Variants in EPS15 observed in about 807,000 individuals in gnomAD.
EPS15 encodes the protein epidermal growth factor receptor pathway substrate 15.
A neutral mutation model predicts 113.8 loss-of-function variants in EPS15; 72 were observed. The ratio of observed to expected loss-of-function variants is 0.63; its 90% CI spans 0.52 to 0.77. The LOEUF (loss-of-function observed/expected upper bound fraction) is 0.77. Ranked by LOEUF, EPS15 falls within the 30% of genes least tolerant of loss-of-function variation. The pLI, the probability that EPS15 is intolerant of heterozygous loss-of-function variation, is 0.00. For synonymous variants in EPS15, 344 were observed against 363.4 expected (o/e 0.95, Z 0.61); for missense variants, 1,048 against 1,045.8 (o/e 1.00, Z -0.03).
Position 51,472,882 on chromosome 1 carries a change from GC to G in EPS15, c.141del (p.Leu48PhefsTer4). 1 of 1,613,068 alleles carries G rather than the reference GC, an allele frequency of 6.2e-7. No homozygotes were observed. The highest frequency in any genetic ancestry group is 8.5e-7 in the Non-Finnish European group (1 of 1,179,126). On this transcript the variant is annotated frameshift_variant, in exon 3 of 25. Coordinates refer to ENST00000371733, the MANE Select transcript of EPS15 (RefSeq NM_001981.3). LOFTEE classifies it high-confidence loss of function. ...SDAAAFLKKSGLPDLILGKIW... is the reference protein window; with the variant it reads ...SDAAAFLKKSXLPDLILGKIW... ...ACCTTTCCAAGTATCAAGTCTGGAA[GC>G]CCTGATTTTTTCAGGAAAGCAGCAG...
chr1:51,491,531 G>T (rs553263406), intron 1 of EPS15, among the ~76,000 whole-genome samples: 1 of 152,316 alleles, frequency 6.6e-6, no homozygotes, highest in East Asian at 1.9e-4. Flanking sequence ...AAAGAAAACA[G>T]GATGAAAACT....
intron 12 of EPS15, chr1:51,423,126 G>T: frequency 9.4e-7 from 1 of 1,060,926 alleles, no homozygotes; most frequent in Non-Finnish European, 1.3e-6. Context: ...TTCTTAAGAT[G>T]TCTATGGAAG....
intron 1 of EPS15, among the ~76,000 whole-genome samples, chr1:51,513,740 TTTG>T (rs1644667126): frequency 6.6e-6 from 1 of 152,188 alleles, no homozygotes; most frequent in African/African-American, 2.4e-5. Context: ...TAGGTTACGC[TTTG>T]TTAAGTTATA....
intron 21 of EPS15, among the ~76,000 whole-genome samples, chr1:51,376,751 G>A (rs1646809969): frequency 6.6e-6 from 1 of 152,220 alleles, no homozygotes. Context: ...TGTATAAGGA[G>A]ATGAATGTTG....
intron 20 of EPS15, chr1:51,397,142 A>C (rs1648032226): frequency 6.6e-6 from 1 of 152,208 alleles, no homozygotes; most frequent in Non-Finnish European, 1.5e-5. Context: ...GGCCTCCTGA[A>C]GTGCTGGAAT....
chr1:51,470,524 G>A (rs915741745), intron 4 of EPS15, among the ~76,000 whole-genome samples: 12 of 151,778 alleles, frequency 7.9e-5, no homozygotes, highest in African/African-American at 2.9e-4. Flanking sequence ...GCATATGCCT[G>A]TAATCCCAGC....
At chr1:51,510,262 C>G (rs561871098) in intron 1 of EPS15, among the ~76,000 whole-genome samples, 1 of 152,240 alleles carries the variant, frequency 6.6e-6, no homozygotes, top group African/African-American at 2.4e-5. Context: ...TGTAAGATCA[C>G]ATGAATGTTC....
intron 1 of EPS15, among the ~76,000 whole-genome samples, chr1:51,486,576 GTC>G (rs1157204475): frequency 1.9e-4 from 29 of 152,242 alleles, no homozygotes; most frequent in African/African-American, 6.5e-4. Context: ...GGGAGATCCT[GTC>G]TCTATAAAAA....
chr1:51,476,107 G>A (rs1643895269), intron 2 of EPS15, among the ~76,000 whole-genome samples: 1 of 152,180 alleles, frequency 6.6e-6, no homozygotes, highest in African/African-American at 2.4e-5. Flanking sequence ...TTTGAAGTCA[G>A]GTAGTGTAAT....
intron 8 of EPS15, among the ~76,000 whole-genome samples, chr1:51,450,239 CT>C (rs1279145211): frequency 6.6e-6 from 1 of 151,554 alleles, no homozygotes; most frequent in African/African-American, 2.4e-5. Context: ...AAAGGCCACA[CT>C]GGGGGGGGCT....
chr1:51,510,456 T>C (rs558046435), intron 1 of EPS15, among the ~76,000 whole-genome samples: 1 of 152,284 alleles, frequency 6.6e-6, no homozygotes, highest in South Asian at 2.1e-4. Flanking sequence ...TTAAGTGAAA[T>C]AATGTATGTA....
At chr1:51,412,686 G>A (rs754644353) in intron 13 of EPS15, among the ~76,000 whole-genome samples, 3 of 152,116 alleles carry the variant, frequency 2.0e-5, no homozygotes, top group Non-Finnish European at 4.4e-5. Context: ...ACATGGCATT[G>A]GCTCTGAATA....
intron 15 of EPS15, among the ~76,000 whole-genome samples, chr1:51,406,807 C>T (rs1649175399): frequency 6.6e-6 from 1 of 152,158 alleles, no homozygotes; most frequent in African/African-American, 2.4e-5. Context: ...CAGACCAAAA[C>T]CATGACTCTG....
intron 11 of EPS15, among the ~76,000 whole-genome samples, chr1:51,444,026 T>C (rs1227811938): frequency 1.3e-5 from 2 of 152,142 alleles, no homozygotes; most frequent in African/African-American, 2.4e-5. Context: ...ACCCAAAATA[T>C]TCTATGATAT....
chr1:51,393,992 C>T (rs1384550631), intron 21 of EPS15, among the ~76,000 whole-genome samples: 1 of 152,162 alleles, frequency 6.6e-6, no homozygotes, highest in Non-Finnish European at 1.5e-5. Context: ...GTATTATTAA[C>T]AGAACCCATT....
intron 12 of EPS15, chr1:51,423,847 T>G: frequency 6.1e-6 from 2 of 325,666 alleles, no homozygotes; most frequent in Non-Finnish European, 8.8e-6. Context: ...GACTCAGCTC[T>G]AAACAGCAAA....
chr1:51,449,848 C>T (rs1471456649), intron 8 of EPS15, among the ~76,000 whole-genome samples: 1 of 151,614 alleles, frequency 6.6e-6, no homozygotes, highest in Non-Finnish European at 1.5e-5. Context: ...CATTGAATGG[C>T]TTCTGGGTGG....
chr1:51,420,512 T>C (rs1557451481), intron 13 of EPS15, among the ~76,000 whole-genome samples: 2 of 151,988 alleles, frequency 1.3e-5, no homozygotes, highest in Non-Finnish European at 2.9e-5. Flanking sequence ...TGTAGATTAT[T>C]TTATCTTCCA....
intron 21 of EPS15, among the ~76,000 whole-genome samples, chr1:51,380,292 C>T (rs1646912449): frequency 1.3e-5 from 2 of 151,312 alleles, no homozygotes; most frequent in Admixed American, 6.6e-5. Context: ...GGATGTTAGA[C>T]ACCAAATGAA....
Sources: gnomAD v4.1 joint callset for allele counts (sites outside exome capture counted in the v4.1 genomes callset) on GRCh38, gnomAD v4.1.1 for gene constraint, MANE v1.5 for transcripts, NCBI Gene and HGNC (gene_info 2026-07-23, HGNC 2026-07-21) for gene names.